Variants in RTN4 observed in about 807,000 individuals in gnomAD.
RTN4 encodes reticulon 4.
Under a neutral mutation model 90.4 loss-of-function variants are expected in RTN4, and 32 were observed. The observed-to-expected ratio is 0.35, with a 90% CI of 0.27 to 0.48. RTN4 has a LOEUF of 0.48. Ranked by LOEUF, RTN4 falls within the 20% of genes least tolerant of loss-of-function variation. The probability of loss-of-function intolerance (pLI) is 0.99; values close to 1 mark genes in which losing one functional copy is unlikely to be tolerated. For missense variants in RTN4, 1,706 were observed against 1,430.2 expected (o/e 1.19, Z -3.11); for synonymous variants, 629 against 552.5 (o/e 1.14, Z -1.94).
At chr2:55,019,746 A>G (rs1244914531) in intron 3 of RTN4, among the ~76,000 whole-genome samples, 1 of 152,202 alleles carries the variant, frequency 6.6e-6, no homozygotes. Flanking sequence ...AGAGAGAAAT[A>G]AAGGATATCC....
chr2:54,987,215 T>G lies in RTN4; in HGVS notation c.3221+276A>C, dbSNP rs1678634823. 2.0e-5 allele frequency among the ~76,000 whole-genome samples: 3 copies of G among 152,198 alleles called. No individual in the cohort carries two copies. In the South Asian group the frequency reaches 6.2e-4, roughly 31 times the overall value. ...CATGTTAAAAAGATACAACACTCAT[T>G]CAAGTAAGATAACCAATGCTTAACT... is the stretch of plus-strand genomic sequence containing the variant. On this transcript the variant is annotated intron_variant, in intron 4 of 8. Transcript: ENST00000337526.
At chr2:55,124,729 G>T in the RTN4 span, among the ~76,000 whole-genome samples, 1 of 152,094 alleles carries the variant, frequency 6.6e-6, no homozygotes, top group South Asian at 2.1e-4. Flanking sequence ...AATTTATATG[G>T]AACAAAAAAA....
chr2:55,096,321 T>C (rs1669033256), intron 1 of RTN4, among the ~76,000 whole-genome samples: 1 of 150,196 alleles, frequency 6.7e-6, no homozygotes, highest in African/African-American at 2.4e-5. Context: ...AGCAAAACTC[T>C]GCCTCAAAAA....
At chr2:55,113,574 ATAT>A (rs1005516081), upstream of RTN4, among the ~76,000 whole-genome samples, 2 of 152,144 alleles carry the variant, frequency 1.3e-5, no homozygotes, top group African/African-American at 4.8e-5. Flanking sequence ...CAATTGAACA[ATAT>A]TATGGATTTC....
chr2:55,059,212 C>G (rs1668245573), intron 2 of RTN4, among the ~76,000 whole-genome samples: 1 of 151,870 alleles, frequency 6.6e-6, no homozygotes, highest in African/African-American at 2.4e-5. Flanking sequence ...TGTAAAGCAC[C>G]ACAGAAAAAT....
chr2:55,069,444 C>G (rs1440461464), intron 2 of RTN4, among the ~76,000 whole-genome samples: 1 of 152,194 alleles, frequency 6.6e-6, no homozygotes, highest in Non-Finnish European at 1.5e-5. Context: ...CTGCCATTGT[C>G]TAAAAACAAA....
the RTN4 span, among the ~76,000 whole-genome samples, chr2:55,121,015 A>AC: frequency 6.6e-6 from 1 of 151,920 alleles, no homozygotes; most frequent in African/African-American, 2.4e-5. Flanking sequence ...AGAACCAAAT[A>AC]CCCCCAATAA....
At chr2:55,107,003 T>C (rs1667955326) in intron 1 of RTN4, among the ~76,000 whole-genome samples, 1 of 152,160 alleles carries the variant, frequency 6.6e-6, no homozygotes, top group Non-Finnish European at 1.5e-5. Flanking sequence ...TATTAAACTC[T>C]TAAATTAAGC....
intron 1 of RTN4, among the ~76,000 whole-genome samples, chr2:55,092,947 G>T (rs573863860): frequency 6.6e-6 from 1 of 152,242 alleles, no homozygotes; most frequent in Non-Finnish European, 1.5e-5. Context: ...TTTTTTGTTT[G>T]ATTTTAAAAA....
At chr2:54,974,650 C>G (rs758022921) in intron 6 of RTN4, 45 bp downstream of exon 6, 2 of 1,413,762 alleles carry the variant, frequency 1.4e-6, no homozygotes, top group South Asian at 2.3e-5. Flanking sequence ...TCCTGGCACA[C>G]AATCTTTCCA....
At chr2:55,075,104 A>C (rs1257595855) in intron 2 of RTN4, among the ~76,000 whole-genome samples, 1 of 152,214 alleles carries the variant, frequency 6.6e-6, no homozygotes, top group African/African-American at 2.4e-5. Flanking sequence ...AAAGAAATAA[A>C]AGGCATCCAA....
chr2:55,049,847 T>C lies in RTN4; in HGVS notation c.454A>G (p.Ser152Gly). The change falls in exon 1 of 9, where the codon AGC becomes GGC. Residue 152 changes from serine (S) to glycine (G), a missense_variant. Physicochemically the swap from Ser to Gly is moderately conservative, Grantham distance 56 (BLOSUM62 0). Transcript: ENST00000337526. ...GTCCACACGGGCTCTGCCTGGGGGCTCACGCTGGCCGGGGGAGGAGGGGGA... is the reference window on the plus strand; with the variant it reads ...GTCCACACGGGCTCTGCCTGGGGGCCCACGCTGGCCGGGGGAGGAGGGGGA... ...RPPPPPPASVSPQAEPVWTPP... is the reference protein window; with the variant it reads ...RPPPPPPASVGPQAEPVWTPP... 1.0e-6 allele frequency: 1 copy of C among 1,000,016 alleles called. No homozygotes were observed. Among genetic ancestry groups the C allele is most frequent in the Non-Finnish European group, 1.3e-6 (1 of 776,128 alleles). 61.9% of individuals were successfully genotyped at this position (1,000,016 alleles called of 1,614,324 possible). A position where few individuals can be genotyped will look rare whatever the true frequency, so the allele number is the denominator to read the frequency against.
At chr2:54,986,379 A>G (rs1211441157) in intron 4 of RTN4, among the ~76,000 whole-genome samples, 1 of 152,206 alleles carries the variant, frequency 6.6e-6, no homozygotes, top group Non-Finnish European at 1.5e-5. Flanking sequence ...TTTCACGTCC[A>G]TATGGTCTCT....
At chr2:55,074,134 A>G (rs1355965747) in intron 2 of RTN4, among the ~76,000 whole-genome samples, 1 of 152,206 alleles carries the variant, frequency 6.6e-6, no homozygotes, top group Non-Finnish European at 1.5e-5. Context: ...TGCTTTAGTA[A>G]CCCATTTGTT....
At chr2:55,010,803 A>C (rs1474449495) in intron 3 of RTN4, among the ~76,000 whole-genome samples, 1 of 152,200 alleles carries the variant, frequency 6.6e-6, no homozygotes, top group African/African-American at 2.4e-5. Flanking sequence ...AAACTTTAGC[A>C]ACTTAATCTT....
intron 4 of RTN4, among the ~76,000 whole-genome samples, chr2:54,986,147 A>G (rs1412581032): frequency 6.6e-6 from 1 of 152,186 alleles, no homozygotes; most frequent in African/African-American, 2.4e-5. Context: ...GACAAGACAA[A>G]GACATATGGA....
the RTN4 span, among the ~76,000 whole-genome samples, chr2:55,130,024 G>C: frequency 6.6e-6 from 1 of 152,134 alleles, no homozygotes; most frequent in Non-Finnish European, 1.5e-5. Flanking sequence ...GAAATACTTT[G>C]CACATGTGCC....
chr2:55,114,195 T>C (rs1668083808), upstream of RTN4, among the ~76,000 whole-genome samples: 1 of 152,216 alleles, frequency 6.6e-6, no homozygotes, highest in Admixed American at 6.5e-5. Context: ...TTAGAATATT[T>C]TATGATGTCA....
In RTN4 at chr2:55,025,958, T is replaced by C. The variant is rs779657551; in HGVS notation, c.2141A>G (p.Asp714Gly). 3.7e-6 allele frequency: 6 copies of C among 1,613,062 alleles called. No homozygotes were observed. The South Asian group carries it at 5.5e-5, about 15-fold the overall frequency. The change falls in exon 3 of 9, where the codon GAT becomes GGT. Residue 714 changes from aspartate to glycine, a missense_variant. Transcript: ENST00000337526. ...TGCCATTTCTGAATAATCAGAGAAA[T>C]CCGGAGCTGGTTCAGCAGAAAGCTT... ...ETKLSAEPAP[D>G]FSDYSEMAKV...
Sources: allele counts gnomAD v4.1 joint callset (sites outside exome capture counted in the v4.1 genomes callset), GRCh38; gene constraint gnomAD v4.1.1; transcripts MANE v1.5; gene names NCBI Gene and HGNC (gene_info 2026-07-23, HGNC 2026-07-21).